JRK: variants seen among roughly 807,000 people sequenced by gnomAD.
The protein encoded by JRK is Jrk helix-turn-helix protein.
For missense variants in JRK, 720 were observed against 509.2 expected, an observed-to-expected ratio of 1.41 and a Z score of -3.98; for synonymous variants, 303 against 218.1, an observed-to-expected ratio of 1.39 and a Z score of -3.43.
At chr8:142,651,858 T>C in the JRK span, among the ~76,000 whole-genome samples, 1 of 152,192 alleles carries the variant, frequency 6.6e-6, no homozygotes, top group Admixed American at 6.6e-5. Context: ...GGCTGAAGAC[T>C]GCTCTCCACC....
chr8:142,669,781 C>A (rs1798625828), intron 1 of JRK, among the ~76,000 whole-genome samples, 151 bp downstream of exon 1: 1 of 148,482 alleles, frequency 6.7e-6, no homozygotes, highest in South Asian at 2.1e-4. Flanking sequence ...GGCCCCGCAG[C>A]CTCGCGACCA....
At chr8:142,644,580 T>A in the JRK span, among the ~76,000 whole-genome samples, 1 of 152,180 alleles carries the variant, frequency 6.6e-6, no homozygotes, top group Admixed American at 6.5e-5. Context: ...GAAAAAGACA[T>A]AATTTATAAT....
rs1477237078 is a variant in JRK, at chr8:142,663,553, T to G, written c.*799A>C. The G allele has an allele frequency of 3.0e-6, 3 of 985,494 alleles. No individual in the cohort carries two copies. Among genetic ancestry groups the G allele is most frequent in the Non-Finnish European group, 2.4e-6 (2 of 829,942 alleles). 61.0% of individuals were successfully genotyped at this position (985,494 alleles called of 1,614,324 possible). On this transcript the variant is annotated 3_prime_UTR_variant, in exon 2 of 2. Coordinates refer to ENST00000612905, the MANE Select transcript of JRK (RefSeq NM_003724.4). ...CTGGGCAACATGGTACATTGGACTC[T>G]GAGCCAAAATGCCAAAATACCACAC...
chr8:142,664,712 C>T lies in JRK; in HGVS notation c.1347G>A (p.Gly449=), dbSNP rs1554635277. ...SWGVAGREAE[G]GRPPAATSPA... Reference sequence around the variant, plus strand: ...GCGACGTGGCAGCAGGGGGCCGTCCCCCTTCTGCCTCCCTTCCCGCTACCC... The same window carrying T: ...GCGACGTGGCAGCAGGGGGCCGTCCTCCTTCTGCCTCCCTTCCCGCTACCC... The change falls in exon 2 of 2, where the codon GGG becomes GGA. Residue 449 remains glycine (G), a synonymous_variant. Transcript: ENST00000612905. The T allele has an allele frequency of 2.5e-6, 4 of 1,606,522 alleles. No individual in the cohort carries two copies. Among genetic ancestry groups the T allele is most frequent in the Non-Finnish European group, 3.4e-6 (4 of 1,177,180 alleles).
At chr8:142,655,213 C>T (rs1846725301), downstream of JRK, among the ~76,000 whole-genome samples, 1 of 152,222 alleles carries the variant, frequency 6.6e-6, no homozygotes, top group African/African-American at 2.4e-5. Flanking sequence ...CCAGCACTGA[C>T]TTCAGAGGTG....
chr8:142,665,711 G>T lies in JRK; in HGVS notation c.348C>A (p.Ala116=), dbSNP rs781823825. ...GCTGCATCTGCTCGTAGAAGTCCTT[G>T]GCCTTCTCGATGAGCATGGGGCCTG... ...PVSGPMLIEK[A]KDFYEQMQLT... The change falls in exon 2 of 2, where the codon GCC becomes GCA. Residue 116 remains alanine, a synonymous_variant. Transcript: ENST00000612905. 3.0e-5 allele frequency: 23 copies of T among 757,710 alleles called. No homozygotes were observed. In the African/African-American group the frequency reaches 3.7e-4, roughly 12 times the overall value. 46.9% of individuals were successfully genotyped at this position (757,710 alleles called of 1,614,324 possible).
chr8:142,648,981 T>G, the JRK span, among the ~76,000 whole-genome samples: 1 of 152,152 alleles, frequency 6.6e-6, no homozygotes, highest in Non-Finnish European at 1.5e-5. Context: ...AAGGAGATCA[T>G]TTTGGAGCTT....
chr8:142,660,297 C>T lies in JRK; in HGVS notation c.*4055G>A. On this transcript the variant is annotated 3_prime_UTR_variant, in exon 2 of 2. Transcript: ENST00000612905. ...CCTGCCTCCCAGGCCACCACCCACC[C>T]CTCACGGCTGCCACACCCACCAGCC... 6 of 985,758 alleles carry T rather than the reference C, an allele frequency of 6.1e-6. No homozygotes were observed. The highest frequency in any genetic ancestry group is 7.2e-6 in the Non-Finnish European group (6 of 830,174). 61.1% of individuals were successfully genotyped at this position (985,758 alleles called of 1,614,324 possible).
rs782636708 is a variant in JRK at position 142,665,720 on chromosome 8, G to A, written c.339C>T (p.Ile113=). The change falls in exon 2 of 2, where the codon ATC becomes ATT. Residue 113 remains isoleucine (I), a synonymous_variant. Coordinates refer to ENST00000612905, the MANE Select transcript of JRK (RefSeq NM_003724.4). ...EGVPVSGPML[I]EKAKDFYEQM... ...GCTCGTAGAAGTCCTTGGCCTTCTC[G>A]ATGAGCATGGGGCCTGACACGGGGA... 9 of 765,224 alleles carry A rather than the reference G, an allele frequency of 1.2e-5. No homozygotes were observed. The highest frequency in any genetic ancestry group is 2.5e-5 in the East Asian group (1 of 40,588). 47.4% of individuals were successfully genotyped at this position (765,224 alleles called of 1,614,324 possible).
At chr8:142,668,897 G>C (rs1234401929) in intron 1 of JRK, among the ~76,000 whole-genome samples, 1 of 151,648 alleles carries the variant, frequency 6.6e-6, no homozygotes, top group Non-Finnish European at 1.5e-5. Flanking sequence ...CGGCATCCCA[G>C]TCCCCAGTCA....
rs1171235490 is a variant in JRK at position 142,661,533 on chromosome 8, AC to A, written c.*2818del. On this transcript the variant is annotated 3_prime_UTR_variant, in exon 2 of 2. Transcript: ENST00000612905. ...CAAACCATATGACGCAGCACCTGCTACCCCACGAGCCACTGGAAAACTGAGG... is the reference window on the plus strand; with the variant it reads ...CAAACCATATGACGCAGCACCTGCTACCCACGAGCCACTGGAAAACTGAGG... The A allele has an allele frequency of 1.0e-6, 1 of 984,924 alleles. No individual in the cohort carries two copies. The highest frequency in any genetic ancestry group is 1.2e-6 in the Non-Finnish European group (1 of 829,660). 61.0% of individuals were successfully genotyped at this position (984,924 alleles called of 1,614,324 possible).
Position 142,659,303 on chromosome 8 carries a change from C to T in JRK, c.*5049G>A. On this transcript the variant is annotated 3_prime_UTR_variant, in exon 2 of 2. Coordinates refer to ENST00000612905, the MANE Select transcript of JRK (RefSeq NM_003724.4). ...TAGGACCAGGGCAAGACGCCTGACC[C>T]CAGAGCAGACCATGCTGACACTGGG... The T allele has an allele frequency of 9.8e-7, 1 of 1,023,862 alleles. No individual in the cohort carries two copies. The highest frequency in any genetic ancestry group is 1.2e-6 in the Non-Finnish European group (1 of 853,464). 63.4% of individuals were successfully genotyped at this position (1,023,862 alleles called of 1,614,324 possible).
chr8:142,651,515 T>A, the JRK span, among the ~76,000 whole-genome samples: 1 of 150,448 alleles, frequency 6.6e-6, no homozygotes, highest in Admixed American at 6.7e-5. Flanking sequence ...TAAAGCCCCT[T>A]AAGTAATGAA....
At position 142,665,502 on chromosome 8, in the gene JRK, G is replaced by A; in HGVS notation, c.557C>T (p.Ala186Val). The A allele has an allele frequency of 1.4e-6, 1 of 718,280 alleles. No homozygotes were observed. Among genetic ancestry groups the A allele is most frequent in the Non-Finnish European group, 2.6e-6 (1 of 385,100 alleles). 44.5% of individuals were successfully genotyped at this position (718,280 alleles called of 1,614,324 possible). ...HGLSAEQVYN[A>V]DETGLFWRCL... Reference sequence around the variant, plus strand: ...CCGCCAGAAAAGGCCGGTCTCATCAGCGTTGTAAACCTGCTCGGCGGACAG... The same window carrying A: ...CCGCCAGAAAAGGCCGGTCTCATCAACGTTGTAAACCTGCTCGGCGGACAG... Residue 186 changes from alanine to valine, a missense_variant, in exon 2 of 2, where the codon GCT becomes GTT. Transcript: ENST00000612905.
At chr8:142,669,555 G>GT (rs1390666524) in intron 1 of JRK, among the ~76,000 whole-genome samples, 3 of 152,160 alleles carry the variant, frequency 2.0e-5, no homozygotes, top group South Asian at 2.1e-4. Flanking sequence ...TCTCGGTCTG[G>GT]TTTTTTAAGG....
chr8:142,666,336 G>C lies in JRK; in HGVS notation c.-278C>G. The C allele has an allele frequency of 1.8e-6, 1 of 545,536 alleles. No homozygotes were observed. The highest frequency in any genetic ancestry group is 3.4e-6 in the Non-Finnish European group (1 of 292,962). The allele number at this position is 545,536 out of a possible 1,614,324, so 33.8% of individuals were successfully genotyped here. ...TCAGCTGCCAATTCTCTCTGTGGAG[G>C]AGGTGACCCTGTCAGACTCCCCTCT... On this transcript the variant is annotated 5_prime_UTR_variant, in exon 2 of 2. Transcript: ENST00000612905.
chr8:142,649,747 G>T, the JRK span, among the ~76,000 whole-genome samples: 1 of 151,050 alleles, frequency 6.6e-6, no homozygotes, highest in Admixed American at 6.6e-5. Context: ...GAAGAAGTTT[G>T]CTGCAGGGGC....
chr8:142,662,639 G>A lies in JRK; in HGVS notation c.*1713C>T, dbSNP rs1392222238. On this transcript the variant is annotated 3_prime_UTR_variant, in exon 2 of 2. Transcript: ENST00000612905. ...CAAAGCAAGAAACACACACTTCCAGGACATAGATAGGGCTCTGTCAGCAAT... is the reference window on the plus strand; with the variant it reads ...CAAAGCAAGAAACACACACTTCCAGAACATAGATAGGGCTCTGTCAGCAAT... 5 of 985,212 alleles carry A rather than the reference G, an allele frequency of 5.1e-6. No homozygotes were observed. In the African/African-American group the frequency reaches 5.2e-5, roughly 10 times the overall value. 61.0% of individuals were successfully genotyped at this position (985,212 alleles called of 1,614,324 possible).
In JRK at chr8:142,661,692, G is replaced by A; in HGVS notation, c.*2660C>T. 1.0e-6 allele frequency: 1 copy of A among 985,496 alleles called. No homozygotes were observed. The allele number at this position is 985,496 out of a possible 1,614,324, so 61.0% of individuals were successfully genotyped here. A position where few individuals can be genotyped will look rare whatever the true frequency, so the allele number is the denominator to read the frequency against. On this transcript the variant is annotated 3_prime_UTR_variant, in exon 2 of 2. Coordinates refer to ENST00000612905, the MANE Select transcript of JRK (RefSeq NM_003724.4). The stretch of plus-strand genomic sequence containing the variant: ...TCTGGCAAGCTCCAGGGCTTCCCAG[G>A]GGCCTCAGCAGCCCCAGAAACAGAG...
Sources: allele counts gnomAD v4.1 joint callset (sites outside exome capture counted in the v4.1 genomes callset), GRCh38; gene constraint gnomAD v4.1.1; transcripts MANE v1.5; gene names NCBI Gene and HGNC (gene_info 2026-07-23, HGNC 2026-07-21).